ARHGEF10: variants seen among roughly 807,000 people sequenced by gnomAD.
The protein encoded by ARHGEF10 is Rho guanine nucleotide exchange factor 10.
Under a neutral mutation model 147.4 loss-of-function variants are expected in ARHGEF10, and 140 were observed. The observed-to-expected ratio is 0.95, with a 90% CI of 0.83 to 1.09. The LOEUF (loss-of-function observed/expected upper bound fraction) is 1.09. Ranked by LOEUF, ARHGEF10 falls within the 50% of genes least tolerant of loss-of-function variation. The pLI, the probability that ARHGEF10 is intolerant of heterozygous loss-of-function variation, is 0.00. For missense variants in ARHGEF10, 2,222 were observed against 1,752.7 expected (o/e 1.27, Z -4.78); for synonymous variants, 902 against 695.8 (o/e 1.30, Z -4.67).
chr8:1,843,845 C>T (rs1484364027), intron 2 of ARHGEF10, among the ~76,000 whole-genome samples: 1 of 152,214 alleles, frequency 6.6e-6, no homozygotes, highest in South Asian at 2.1e-4. Flanking sequence ...TTTTCTGCCT[C>T]CCTCCTCTGA....
intron 1 of ARHGEF10, among the ~76,000 whole-genome samples, chr8:1,837,372 G>C (rs1002308851): frequency 2.0e-5 from 3 of 152,246 alleles, no homozygotes; most frequent in Non-Finnish European, 4.4e-5. Context: ...CTTAAAAAGG[G>C]CCAGGCATAG....
chr8:1,840,764 C>G (rs1803969379), intron 1 of ARHGEF10, among the ~76,000 whole-genome samples: 1 of 152,194 alleles, frequency 6.6e-6, no homozygotes, highest in African/African-American at 2.4e-5. Context: ...CTGACCTTAA[C>G]TTGGATATGA....
At chr8:1,925,119 C>G (rs1812585491) in intron 21 of ARHGEF10, among the ~76,000 whole-genome samples, 164 bp from the exon 22 acceptor site, 1 of 152,158 alleles carries the variant, frequency 6.6e-6, no homozygotes, top group Non-Finnish European at 1.5e-5. Context: ...ACAGCCTATG[C>G]TGTAAGAAGA....
intron 1 of ARHGEF10, among the ~76,000 whole-genome samples, chr8:1,840,521 T>G (rs1245962967): frequency 1.8e-3 from 156 of 87,562 alleles, no homozygotes; most frequent in Admixed American, 2.3e-3. Flanking sequence ...CGGTGTGGAA[T>G]CTGTCCGGTG....
chr8:1,850,887 C>A (rs1000580432), intron 2 of ARHGEF10, among the ~76,000 whole-genome samples: 1 of 152,118 alleles, frequency 6.6e-6, no homozygotes, highest in Non-Finnish European at 1.5e-5. Flanking sequence ...AGCTGCCAAG[C>A]CGTGAAAAGA....
At chr8:1,922,149 T>G (rs184994096) in intron 18 of ARHGEF10, among the ~76,000 whole-genome samples, 3 of 152,082 alleles carry the variant, frequency 2.0e-5, no homozygotes, top group Admixed American at 2.0e-4. Context: ...CATTACTTCC[T>G]GTAGTACACA....
intron 27 of ARHGEF10, among the ~76,000 whole-genome samples, chr8:1,949,665 T>C (rs1814870568): frequency 1.3e-5 from 2 of 151,782 alleles, no homozygotes; most frequent in South Asian, 4.2e-4. Flanking sequence ...AAAATTTCCA[T>C]TAGAAAAAAA....
chr8:1,834,298 C>T (rs561199476), intron 1 of ARHGEF10, among the ~76,000 whole-genome samples: 2 of 152,330 alleles, frequency 1.3e-5, no homozygotes, highest in East Asian at 3.9e-4. Context: ...GCATTTGCTT[C>T]TCTTTTCACT....
chr8:1,831,983 C>T (rs970131460), intron 1 of ARHGEF10, among the ~76,000 whole-genome samples: 40 of 152,172 alleles, frequency 2.6e-4, no homozygotes, highest in South Asian at 1.9e-3. Context: ...GGGTGGTGCC[C>T]GAGCCTGTGG....
chr8:1,955,954 T>G (rs1173301148), intron 28 of ARHGEF10, among the ~76,000 whole-genome samples: 3 of 152,220 alleles, frequency 2.0e-5, no homozygotes, highest in Non-Finnish European at 4.4e-5. Context: ...CTTTGGGAAA[T>G]GGACTCTCAC....
At chr8:1,830,237 GCAGGCGGCTCATTTCCCGTGGGGCT>G (rs1250158633) in intron 1 of ARHGEF10, among the ~76,000 whole-genome samples, 6 of 67,752 alleles carry the variant, frequency 8.9e-5, no homozygotes, top group East Asian at 3.7e-4. Context: ...GGCATGCGTG[GCAGGCGGCTCATTTCCCGTGGGGCT>G]CAGGCGGCTC....
intron 23 of ARHGEF10, among the ~76,000 whole-genome samples, chr8:1,928,112 A>G (rs998745346): frequency 6.6e-6 from 1 of 152,144 alleles, no homozygotes; most frequent in African/African-American, 2.4e-5. Context: ...GCTTCTTAGG[A>G]TTTTAAATTG....
chr8:1,860,301 G>A (rs1021106185), intron 4 of ARHGEF10, 117 bp downstream of exon 4: 23 of 1,412,100 alleles, frequency 1.6e-5, no homozygotes, highest in East Asian at 2.4e-5. Context: ...CTGTGGTTCC[G>A]TAGAGTCCGG....
chr8:1,858,665 G>A (rs1805804357), intron 3 of ARHGEF10: 1 of 156,774 alleles, frequency 6.4e-6, no homozygotes, highest in Non-Finnish European at 1.4e-5. Context: ...GCTGACCAGA[G>A]GGACTGCTCA....
intron 2 of ARHGEF10, among the ~76,000 whole-genome samples, chr8:1,849,681 G>GACA (rs1804871539): frequency 2.6e-4 from 29 of 112,812 alleles, no homozygotes; most frequent in African/African-American, 8.0e-4. Flanking sequence ...GGCCACGTGG[G>GACA]CATGGATGGC....
rs150841670 is a variant in ARHGEF10, at chr8:1,831,144, G to A, written c.-48+7031G>A. Among the ~76,000 whole-genome samples, 542 of 152,036 alleles carry A rather than the reference G, an allele frequency of 3.6e-3. 3 individuals are homozygous for A. Among genetic ancestry groups the A allele is most frequent in the South Asian group, 0.026 (123 of 4,806 alleles). ...ACCCATGGAGGGACAGTGTGGGAGAGCCACGGAGGGGCCATGTGACAGAGA... is the reference window on the plus strand; with the variant it reads ...ACCCATGGAGGGACAGTGTGGGAGAACCACGGAGGGGCCATGTGACAGAGA... On this transcript the variant is annotated intron_variant, in intron 1 of 28. Transcript: ENST00000349830.
chr8:1,901,257 G>A (rs1262180970), intron 15 of ARHGEF10, among the ~76,000 whole-genome samples: 3 of 152,088 alleles, frequency 2.0e-5, no homozygotes, highest in Non-Finnish European at 4.4e-5. Context: ...GAGTGTAGGT[G>A]GATGGGGAGA....
At chr8:1,876,437 C>T (rs894378846) in intron 7 of ARHGEF10, 134 bp from the exon 8 acceptor site, 10 of 963,832 alleles carry the variant, frequency 1.0e-5, no homozygotes, top group Admixed American at 3.7e-5. Context: ...CCCGGGGCTC[C>T]GCAGGGTCCT....
chr8:1,896,988 C>G (rs908613859), intron 14 of ARHGEF10, among the ~76,000 whole-genome samples: 1 of 152,140 alleles, frequency 6.6e-6, no homozygotes. Flanking sequence ...AATCAGCAGG[C>G]AGGCAGGGCT....
Sources: allele counts gnomAD v4.1 joint callset (sites outside exome capture counted in the v4.1 genomes callset), GRCh38; gene constraint gnomAD v4.1.1; transcripts MANE v1.5; gene names NCBI Gene and HGNC (gene_info 2026-07-23, HGNC 2026-07-21).